Variants in COMMD10 observed in about 807,000 individuals in gnomAD.
COMMD10 encodes COMM domain containing 10, also known as COMM domain-containing protein 10.
In COMMD10, 33 loss-of-function variants were observed where a neutral mutation model predicts 28.9. That is an observed-to-expected ratio of 1.14 (90% CI 0.87 to 1.53). COMMD10 has a LOEUF of 1.53. Ranked by LOEUF, COMMD10 falls within the 40% of genes most tolerant of loss-of-function variation. The pLI, the probability that COMMD10 is intolerant of heterozygous loss-of-function variation, is 0.00. For missense variants in COMMD10, 310 were observed against 233.4 expected (o/e 1.33, Z -2.14); for synonymous variants, 110 against 81.7 (o/e 1.35, Z -1.87).
At chr5:116,169,727 A>T (rs1337549396) in intron 5 of COMMD10, among the ~76,000 whole-genome samples, 2 of 152,252 alleles carry the variant, frequency 1.3e-5, no homozygotes, top group African/African-American at 2.4e-5. Flanking sequence ...AACAGAACCA[A>T]TGACAAAAAC....
At chr5:116,167,476 A>C (rs1174865628) in intron 5 of COMMD10, among the ~76,000 whole-genome samples, 1 of 152,140 alleles carries the variant, frequency 6.6e-6, no homozygotes, top group African/African-American at 2.4e-5. Flanking sequence ...CAACATTCAA[A>C]TTCAGGAAAT....
At chr5:116,278,229 T>C (rs1440509682) in intron 5 of COMMD10, among the ~76,000 whole-genome samples, 3 of 151,840 alleles carry the variant, frequency 2.0e-5, no homozygotes, top group East Asian at 3.9e-4. Context: ...CTGTCAATGC[T>C]CTTTTCAACC....
chr5:116,168,590 C>T (rs1434721374), intron 5 of COMMD10, among the ~76,000 whole-genome samples: 1 of 152,162 alleles, frequency 6.6e-6, no homozygotes, highest in Non-Finnish European at 1.5e-5. Context: ...GGAAGTAAAA[C>T]AGTCCTCAGC....
chr5:116,217,372 T>G (rs898849519), intron 5 of COMMD10, among the ~76,000 whole-genome samples: 1 of 152,200 alleles, frequency 6.6e-6, no homozygotes, highest in African/African-American at 2.4e-5. Flanking sequence ...TAAAACCCAA[T>G]GAAGTCTTCA....
rs559638559 is a variant in COMMD10, at chr5:116,133,900, G to A, written c.400-168G>A. Reference sequence around the variant, plus strand: ...GCGTGGCAGGAGGCCAATCTAATAAGCCCAAAGGGAGAATTCGCAGAGTAT... The same window carrying A: ...GCGTGGCAGGAGGCCAATCTAATAAACCCAAAGGGAGAATTCGCAGAGTAT... On this transcript the variant is annotated intron_variant, in intron 4 of 6. Coordinates refer to ENST00000274458, the MANE Select transcript of COMMD10 (RefSeq NM_016144.4). Among the ~76,000 whole-genome samples the A allele has an allele frequency of 6.0e-4, 91 of 152,270 alleles. 1 individual carries two copies. The highest frequency in any genetic ancestry group is 6.8e-3 in the Middle Eastern group (2 of 294).
At chr5:116,203,933 G>T (rs1224406832) in intron 5 of COMMD10, among the ~76,000 whole-genome samples, 1 of 152,114 alleles carries the variant, frequency 6.6e-6, no homozygotes, top group East Asian at 1.9e-4. Context: ...CCAATTAAAA[G>T]ACACAGGCTG....
intron 5 of COMMD10, among the ~76,000 whole-genome samples, chr5:116,246,181 A>G (rs891011386): frequency 6.6e-6 from 1 of 152,144 alleles, no homozygotes; most frequent in Non-Finnish European, 1.5e-5. Context: ...GGATTCCTAT[A>G]CATCAACAGC....
intron 5 of COMMD10, among the ~76,000 whole-genome samples, chr5:116,288,887 T>C (rs992471603): frequency 1.6e-4 from 23 of 141,204 alleles, no homozygotes; most frequent in African/African-American, 2.9e-4. Context: ...TTTTTTTTTT[T>C]TTTTTTTTTT....
At chr5:116,184,715 C>T (rs1283723159) in intron 5 of COMMD10, among the ~76,000 whole-genome samples, 1 of 152,078 alleles carries the variant, frequency 6.6e-6, no homozygotes, top group African/African-American at 2.4e-5. Context: ...AAAACAGTTC[C>T]ATGATAATTC....
chr5:116,154,680 C>T (rs1210281027), intron 5 of COMMD10, among the ~76,000 whole-genome samples: 1 of 151,086 alleles, frequency 6.6e-6, no homozygotes, highest in Non-Finnish European at 1.5e-5. Context: ...CTTTATTCAT[C>T]ACACAGTTTT....
At chr5:116,111,438 C>T (rs1022732641) in intron 4 of COMMD10, among the ~76,000 whole-genome samples, 12 of 152,224 alleles carry the variant, frequency 7.9e-5, no homozygotes, top group African/African-American at 2.6e-4. Context: ...ACTGGTTTTG[C>T]TGTGTCCTAC....
At chr5:116,281,134 C>G (rs950384333) in intron 5 of COMMD10, among the ~76,000 whole-genome samples, 1 of 151,568 alleles carries the variant, frequency 6.6e-6, no homozygotes, top group Non-Finnish European at 1.5e-5. Context: ...TAATTCTTAC[C>G]TAGTTTATAT....
Position 116,092,558 on chromosome 5 carries a change from A to G in COMMD10, c.257A>G (p.Asn86Ser). The change falls in exon 4 of 7, where the codon AAT becomes AGT. Residue 86 changes from asparagine to serine, a missense_variant. Physicochemically the swap from Asn to Ser is conservative, Grantham distance 46. Transcript: ENST00000274458. ...TCTTTTTAATAGGCAGTGTATCACA[A>G]TGTGAAGCCAGCAGCTTTGCAGCAG... Reference protein sequence around the residue: ...SFILEQAVYHNVKPAALQQQL... With the variant: ...SFILEQAVYHSVKPAALQQQL... The G allele has an allele frequency of 1.9e-6, 3 of 1,598,942 alleles. No individual in the cohort carries two copies. The highest frequency in any genetic ancestry group is 1.7e-6 in the Non-Finnish European group (2 of 1,173,094).
intron 5 of COMMD10, among the ~76,000 whole-genome samples, chr5:116,192,990 A>C (rs1414066846): frequency 2.0e-5 from 3 of 152,218 alleles, no homozygotes; most frequent in Non-Finnish European, 4.4e-5. Flanking sequence ...ATAAGCTAGA[A>C]GGGATTAGCC....
At chr5:116,212,386 G>A (rs1748988386) in intron 5 of COMMD10, among the ~76,000 whole-genome samples, 1 of 152,034 alleles carries the variant, frequency 6.6e-6, no homozygotes, top group South Asian at 2.1e-4. Context: ...GCCAGTGGTA[G>A]TCCTTCTGTA....
At chr5:116,222,884 G>A (rs1353361605) in intron 5 of COMMD10, among the ~76,000 whole-genome samples, 1 of 151,990 alleles carries the variant, frequency 6.6e-6, no homozygotes, top group East Asian at 1.9e-4. Flanking sequence ...GTAGGGACAG[G>A]GTTTCACCAT....
intron 5 of COMMD10, among the ~76,000 whole-genome samples, chr5:116,277,467 TA>T (rs1282550631): frequency 6.6e-6 from 1 of 151,898 alleles, no homozygotes; most frequent in African/African-American, 2.4e-5. Flanking sequence ...GTTACTGCCT[TA>T]AATTAACCAC....
chr5:116,211,751 A>G (rs1322656334), intron 5 of COMMD10, among the ~76,000 whole-genome samples: 1 of 152,170 alleles, frequency 6.6e-6, no homozygotes, highest in Non-Finnish European at 1.5e-5. Flanking sequence ...GTCTATTTGC[A>G]GCTACATTAC....
intron 5 of COMMD10, among the ~76,000 whole-genome samples, chr5:116,189,600 T>TA (rs1748280984): frequency 1.3e-5 from 2 of 152,212 alleles, no homozygotes; most frequent in Non-Finnish European, 2.9e-5. Flanking sequence ...ACTAGTACAA[T>TA]TCTCTTGGAA....
Sources: allele counts gnomAD v4.1 joint callset (sites outside exome capture counted in the v4.1 genomes callset), GRCh38; gene constraint gnomAD v4.1.1; transcripts MANE v1.5; gene names NCBI Gene and HGNC (gene_info 2026-07-23, HGNC 2026-07-21).